The following CYRIB variants were observed in gnomAD, a reference collection of about 807,000 sequenced individuals.
The protein encoded by CYRIB is CYFIP-related Rac1 interactor B.
Under a neutral mutation model 44.2 loss-of-function variants are expected in CYRIB, and 8 were observed. The ratio of observed to expected loss-of-function variants is 0.18; its 90% CI spans 0.11 to 0.33. The LOEUF is 0.33. CYRIB is among the 10% of genes least tolerant of loss of function. CYRIB has a pLI of 1.00. For synonymous variants in CYRIB, 131 were observed against 127.2 expected (o/e 1.03, Z -0.20); for missense variants, 185 against 382.8 (o/e 0.48, Z 4.31).
Position 129,894,245 on chromosome 8 carries a change from C to A in CYRIB, c.-11+9067G>T, listed in dbSNP as rs542550239. On this transcript the variant is annotated intron_variant, in intron 2 of 11. Coordinates refer to ENST00000519824, the Ensembl canonical transcript of CYRIB. Reference sequence around the variant, plus strand: ...AATACATGGTGCTAAATTGCTCTCCCAAGTGCTTCCATCAATTCTGTTCCA... The same window carrying A: ...AATACATGGTGCTAAATTGCTCTCCAAAGTGCTTCCATCAATTCTGTTCCA... Among the ~76,000 whole-genome samples the A allele has an allele frequency of 1.9e-4, 29 of 152,300 alleles. 1 individual carries two copies. The highest frequency in any genetic ancestry group is 6.5e-4 in the African/African-American group (27 of 41,560).
In CYRIB at chr8:129,880,824, A is replaced by AT. The variant is rs556729742; in HGVS notation, c.-10-1354dup. Among the ~76,000 whole-genome samples, 155 of 152,300 alleles carry AT rather than the reference A, an allele frequency of 1.0e-3. 2 individuals are homozygous for AT. Among genetic ancestry groups the AT allele is most frequent in the African/African-American group, 3.7e-3 (153 of 41,552 alleles). On this transcript the variant is annotated intron_variant, in intron 2 of 11. Transcript: ENST00000519824. ...TCTCAAATAAGTAACTATAGAAACC[A>AT]TTTTTTTAAATAATAGGGATATTTT...
At chr8:129,876,513 G>T (rs2059178770) in intron 3 of CYRIB, among the ~76,000 whole-genome samples, 1 of 152,190 alleles carries the variant, frequency 6.6e-6, no homozygotes, top group East Asian at 1.9e-4. Flanking sequence ...AGGCATAAAT[G>T]TATGTTGAAC....
intron 1 of CYRIB, among the ~76,000 whole-genome samples, chr8:130,000,399 G>C (rs556682493): frequency 7.9e-5 from 12 of 152,220 alleles, no homozygotes; most frequent in Middle Eastern, 6.8e-3. Flanking sequence ...TAGTTTTAAA[G>C]ATGCCAATTT....
chr8:129,926,209 C>T (rs2087621539), intron 1 of CYRIB, among the ~76,000 whole-genome samples: 1 of 152,216 alleles, frequency 6.6e-6, no homozygotes, highest in Non-Finnish European at 1.5e-5. Flanking sequence ...AAATCCACAA[C>T]CTTACCACTC....
At chr8:130,006,596 A>ATATATATATATACACACATATATATG in intron 1 of CYRIB, among the ~76,000 whole-genome samples, 3 of 42,782 alleles carry the variant, frequency 7.0e-5, no homozygotes, top group African/African-American at 4.1e-4. Flanking sequence ...AACACAAATT[A>ATATATATATATACACACATATATATG]TATATATATA....
At chr8:129,962,239 GT>G (rs2095294474) in intron 2 of CYRIB, among the ~76,000 whole-genome samples, 1 of 151,028 alleles carries the variant, frequency 6.6e-6, no homozygotes, top group Non-Finnish European at 1.5e-5. Context: ...GTGAAACCCT[GT>G]TTAAAAAAAA....
chr8:129,943,036 T>TTTCACTCAATCATTGA (rs1349941290), upstream of CYRIB, among the ~76,000 whole-genome samples: 1 of 151,996 alleles, frequency 6.6e-6, no homozygotes, highest in Non-Finnish European at 1.5e-5. Flanking sequence ...GAATAAATGG[T>TTTCACTCAATCATTGA]TTCACTCAAT....
At chr8:130,011,866 A>C (rs1198991112) in intron 1 of CYRIB, among the ~76,000 whole-genome samples, 1 of 151,794 alleles carries the variant, frequency 6.6e-6, no homozygotes, top group Non-Finnish European at 1.5e-5. Context: ...TAATTAAAAA[A>C]AAAAAGAACG....
At chr8:129,957,919 C>A (rs1409948175) in intron 2 of CYRIB, among the ~76,000 whole-genome samples, 1 of 148,870 alleles carries the variant, frequency 6.7e-6, no homozygotes, top group Non-Finnish European at 1.5e-5. Context: ...GAGCCGAGAT[C>A]GCGCCACTGC....
intron 1 of CYRIB, among the ~76,000 whole-genome samples, chr8:129,922,905 T>G (rs1281523574): frequency 6.8e-6 from 1 of 146,978 alleles, no homozygotes; most frequent in Non-Finnish European, 1.5e-5. Flanking sequence ...GTTTTATACA[T>G]TCCAAACTAC....
chr8:129,986,807 A>G (rs1366689148), intron 1 of CYRIB, among the ~76,000 whole-genome samples: 1 of 152,320 alleles, frequency 6.6e-6, no homozygotes, highest in South Asian at 2.1e-4. Context: ...GCAACAGAAA[A>G]CGGACAAGAC....
intron 2 of CYRIB, among the ~76,000 whole-genome samples, chr8:129,957,396 C>G (rs944885399): frequency 3.3e-5 from 5 of 152,200 alleles, no homozygotes; most frequent in African/African-American, 1.2e-4. Context: ...ACACAGCACA[C>G]AATGTGGTAG....
chr8:129,875,627 T>A (rs2133606044), intron 3 of CYRIB, among the ~76,000 whole-genome samples: 1 of 152,092 alleles, frequency 6.6e-6, no homozygotes, highest in South Asian at 2.1e-4. Context: ...TAAAATCTTA[T>A]CATATAGGTG....
chr8:130,004,953 G>C (rs1183688506), intron 1 of CYRIB, among the ~76,000 whole-genome samples: 3 of 151,858 alleles, frequency 2.0e-5, no homozygotes, highest in African/African-American at 7.3e-5. Flanking sequence ...TTTTAGTGTA[G>C]AGACAAGGCT....
At position 129,877,663 on chromosome 8, in the gene CYRIB, G is replaced by GGTGTGTGT. The variant is rs5895011; in HGVS notation, c.73+1718_73+1725dup. Among the ~76,000 whole-genome samples the GGTGTGTGT allele has an allele frequency of 3.2e-4, 42 of 130,682 alleles. 1 individual carries two copies. The highest frequency in any genetic ancestry group is 3.7e-3 in the Middle Eastern group (1 of 268). The allele number at this position is 130,682 out of a possible 152,430, so 85.7% of individuals were successfully genotyped here. A position where few individuals can be genotyped will look rare whatever the true frequency, so the allele number is the denominator to read the frequency against. On this transcript the variant is annotated intron_variant, in intron 3 of 11. Coordinates refer to ENST00000519824, the Ensembl canonical transcript of CYRIB. The stretch of plus-strand genomic sequence containing the variant: ...GACCTCATATCAAAAAAAAAAAAAA[G>GGTGTGTGT]GTGTGTGTGTGTGTGTGTGTGTGTG...
intron 1 of CYRIB, among the ~76,000 whole-genome samples, chr8:129,927,812 T>C (rs2088808479): frequency 6.6e-6 from 1 of 152,086 alleles, no homozygotes; most frequent in South Asian, 2.1e-4. Context: ...GATAGATCAA[T>C]GAAACAGAAA....
At chr8:129,979,121 A>G (rs1381683649) in intron 1 of CYRIB, among the ~76,000 whole-genome samples, 1 of 152,158 alleles carries the variant, frequency 6.6e-6, no homozygotes, top group Non-Finnish European at 1.5e-5. Context: ...AGCCTAGGTG[A>G]CAGAGCAAGA....
chr8:129,919,073 G>C (rs926551815), intron 1 of CYRIB, among the ~76,000 whole-genome samples: 2 of 152,022 alleles, frequency 1.3e-5, no homozygotes, highest in South Asian at 4.2e-4. Flanking sequence ...TTGCCACGTT[G>C]GCCAGGCTTG....
At chr8:129,943,765 A>T (rs1226700656), upstream of CYRIB, among the ~76,000 whole-genome samples, 1 of 150,638 alleles carries the variant, frequency 6.6e-6, no homozygotes, top group South Asian at 2.1e-4. Flanking sequence ...CGCCCGGCTA[A>T]CTTTTTTGTA....
Sources: gnomAD v4.1 joint callset for allele counts (sites outside exome capture counted in the v4.1 genomes callset) on GRCh38, gnomAD v4.1.1 for gene constraint, MANE v1.5 for transcripts, NCBI Gene and HGNC (gene_info 2026-07-23, HGNC 2026-07-21) for gene names.